GGT5: variants seen among roughly 807,000 people sequenced by gnomAD.
GGT5 encodes glutathione hydrolase 5 proenzyme.
GGT5 carries 50 observed loss-of-function variants against 58.1 expected under a neutral mutation model. The ratio of observed to expected loss-of-function variants is 0.86; its 90% CI spans 0.69 to 1.09. GGT5 has a LOEUF of 1.09. Among genes scored for constraint, GGT5 ranks in the 50% least tolerant of loss-of-function variants. The pLI, the probability that GGT5 is intolerant of heterozygous loss-of-function variation, is 0.00. For missense variants in GGT5, 800 were observed against 789.4 expected (o/e 1.01, Z -0.16); for synonymous variants, 370 against 346.1 (o/e 1.07, Z -0.77).
intron 6 of GGT5, 112 bp downstream of exon 6, chr22:24,231,272 G>A (rs1601399755): frequency 1.5e-6 from 1 of 682,584 alleles, no homozygotes; most frequent in East Asian, 2.7e-5. Flanking sequence ...CCGGTTTATG[G>A]AGGAGGAGGC....
At chr22:24,226,552 G>C in intron 7 of GGT5, 79 bp downstream of exon 7, 1 of 1,469,644 alleles carries the variant, frequency 6.8e-7, no homozygotes, top group Non-Finnish European at 9.5e-7. Flanking sequence ...CCCCCTACCA[G>C]GCCTGACCCT....
intron 11 of GGT5, among the ~76,000 whole-genome samples, chr22:24,224,688 G>A (rs923839712): frequency 6.6e-6 from 1 of 152,200 alleles, no homozygotes; most frequent in African/African-American, 2.4e-5. Context: ...GAGAGTCTGA[G>A]AGGCCCCAGC....
At chr22:24,231,026 T>G (rs1056057440) in intron 6 of GGT5, among the ~76,000 whole-genome samples, 7 of 152,148 alleles carry the variant, frequency 4.6e-5, no homozygotes, top group African/African-American at 1.7e-4. Context: ...CAGGCTGCCT[T>G]GGGCTAGGCT....
chr22:24,244,453 C>CA, intron 1 of GGT5, 100 bp downstream of exon 1: 1 of 1,021,896 alleles, frequency 9.8e-7, no homozygotes, highest in Non-Finnish European at 1.5e-6. Flanking sequence ...CACACACACA[C>CA]CCACACATAC....
At chr22:24,227,947 G>C (rs919992769) in intron 6 of GGT5, among the ~76,000 whole-genome samples, 4 of 150,880 alleles carry the variant, frequency 2.7e-5, no homozygotes, top group Admixed American at 1.3e-4. Flanking sequence ...TACTAGGGAG[G>C]CTGAGGAGGG....
At chr22:24,230,695 GAATACA>G (rs2148909350) in intron 6 of GGT5, among the ~76,000 whole-genome samples, 1 of 152,158 alleles carries the variant, frequency 6.6e-6, no homozygotes, top group South Asian at 2.1e-4. Flanking sequence ...TCACCTCCCT[GAATACA>G]CACATAGTTT....
chr22:24,244,314 CACCCACCCACACATACACAT>C, intron 1 of GGT5: 1 of 401,554 alleles, frequency 2.5e-6, no homozygotes, highest in African/African-American at 2.2e-5. Context: ...CACACACACA[CACCCACCCACACATACACAT>C]ACCCACACAC....
Position 24,233,856 on chromosome 22 carries a change from G to GT in GGT5, c.304+17dup. On this transcript the variant is annotated intron_variant, in intron 2 of 11. Coordinates refer to ENST00000327365, the MANE Select transcript of GGT5 (RefSeq NM_004121.5). ...GGACAAGCCCATCTTCCCCATGGCA[G>GT]TTCACATGTGGGCCCACCTGTTGTC... 1 of 1,610,138 alleles carries GT rather than the reference G, an allele frequency of 6.2e-7. No individual in the cohort carries two copies. The highest frequency in any genetic ancestry group is 8.5e-7 in the Non-Finnish European group (1 of 1,176,520).
At position 24,226,279 on chromosome 22, in the gene GGT5, G is replaced by A; in HGVS notation, c.1039-13C>T. ...CCCGGGAGGCATTCTGGGGTGGGTG[G>A]GCAGGTGGCAGGGTCAGTGAGGGGC... On this transcript the variant is annotated splice_polypyrimidine_tract_variant and intron_variant, in intron 7 of 11. Coordinates refer to ENST00000327365, the MANE Select transcript of GGT5 (RefSeq NM_004121.5). 6.3e-7 allele frequency: 1 copy of A among 1,582,218 alleles called. No individual in the cohort carries two copies. Among genetic ancestry groups the A allele is most frequent in the Non-Finnish European group, 8.6e-7 (1 of 1,166,394 alleles).
Position 24,244,993 on chromosome 22 carries a change from G to A in GGT5, c.-268C>T. ...GACAGACAGACAGGTCTGAACAGCG[G>A]GCTGCCAGATGGACAGATGGGTGAA... On this transcript the variant is annotated 5_prime_UTR_variant, in exon 1 of 12. Coordinates refer to ENST00000327365, the MANE Select transcript of GGT5 (RefSeq NM_004121.5). The A allele has an allele frequency of 2.0e-6, 1 of 508,258 alleles. No individual in the cohort carries two copies. The highest frequency in any genetic ancestry group is 5.3e-4 in the Middle Eastern group (1 of 1,878). 31.5% of individuals were successfully genotyped at this position (508,258 alleles called of 1,614,324 possible).
intron 6 of GGT5, among the ~76,000 whole-genome samples, chr22:24,229,372 C>T (rs1259415538): frequency 1.3e-5 from 2 of 151,526 alleles, no homozygotes; most frequent in African/African-American, 4.9e-5. Flanking sequence ...CACCATTGCA[C>T]TCCAGCCTTG....
Position 24,226,764 on chromosome 22 carries a change from A to T in GGT5, c.905T>A (p.Phe302Tyr). The change falls in exon 7 of 12, where the codon TTC becomes TAC. Residue 302 changes from phenylalanine (F) to tyrosine (Y), a missense_variant. Coordinates refer to ENST00000327365, the MANE Select transcript of GGT5 (RefSeq NM_004121.5). ...GGCCATAGACTCTGTTGAGAAGTTG[A>T]ACCCTGGAGAGAGGTTGGGGCACAG... ...LSFILNVLRG[F>Y]NFSTESMARP... 1 of 1,613,976 alleles carries T rather than the reference A, an allele frequency of 6.2e-7. No individual in the cohort carries two copies. Among genetic ancestry groups the T allele is most frequent in the Non-Finnish European group, 8.5e-7 (1 of 1,179,936 alleles).
intron 11 of GGT5, among the ~76,000 whole-genome samples, chr22:24,223,754 CTTTTTTT>C (rs898258352): frequency 3.8e-5 from 3 of 79,460 alleles, no homozygotes; most frequent in Non-Finnish European, 4.8e-5. Context: ...TGCTATCAAT[CTTTTTTT>C]TTTTTTTTTT....
At chr22:24,221,864 A>G (rs904327329) in intron 11 of GGT5, among the ~76,000 whole-genome samples, 1 of 150,870 alleles carries the variant, frequency 6.6e-6, no homozygotes, top group South Asian at 2.1e-4. Context: ...GCTTCCCCCA[A>G]CCCGCCAAGT....
At chr22:24,229,970 C>T (rs777346991) in intron 6 of GGT5, among the ~76,000 whole-genome samples, 6 of 151,026 alleles carry the variant, frequency 4.0e-5, no homozygotes, top group Non-Finnish European at 5.9e-5. Flanking sequence ...AGGTGGCTCA[C>T]GCCTGGAATC....
intron 7 of GGT5, among the ~76,000 whole-genome samples, 170 bp downstream of exon 7, chr22:24,226,461 C>T (rs1261709164): frequency 6.6e-6 from 1 of 152,218 alleles, no homozygotes; most frequent in Non-Finnish European, 1.5e-5. Flanking sequence ...GCCACTCCTG[C>T]ACCTGACCCC....
chr22:24,225,329 G>A lies in GGT5; in HGVS notation c.1419C>T (p.Pro473=), dbSNP rs2047718924. 1 of 1,613,938 alleles carries A rather than the reference G, an allele frequency of 6.2e-7. No individual in the cohort carries two copies. Among genetic ancestry groups the A allele is most frequent in the Non-Finnish European group, 8.5e-7 (1 of 1,179,914 alleles). Residue 473 remains proline, a synonymous_variant, in exon 10 of 12, where the codon CCC becomes CCT. Coordinates refer to ENST00000327365, the MANE Select transcript of GGT5 (RefSeq NM_004121.5). ...CCTGGGCTTTGTTGATCAAGATGGA[G>A]GGCACCATGGAGGATGGGGAACGCT... ...PGERSPSSMV[P]SILINKAQGS...
chr22:24,228,067 C>A (rs9612569), intron 6 of GGT5, among the ~76,000 whole-genome samples: 62,051 of 87,626 alleles, frequency 0.71, 20,082 homozygotes, highest in Non-Finnish European at 0.75. Flanking sequence ...AAAAAAAAAA[C>A]AAAACAAAAA....
Position 24,220,444 on chromosome 22 carries a change from G to A in GGT5, c.1615-328C>T, listed in dbSNP as rs547351783. On this transcript the variant is annotated intron_variant, in intron 11 of 11. Coordinates refer to ENST00000327365, the MANE Select transcript of GGT5 (RefSeq NM_004121.5). ...GTTCAGGGGGCCTTCGATGGAGGAT[G>A]TGGCTTCTCAAGATTTAGACACTGA... 4.1e-4 allele frequency: 204 copies of A among 501,650 alleles called. 1 individual carries two copies. The highest frequency in any genetic ancestry group is 3.2e-3 in the African/African-American group (165 of 52,062). 31.1% of individuals were successfully genotyped at this position (501,650 alleles called of 1,614,324 possible). A position where few individuals can be genotyped will look rare whatever the true frequency, so the allele number is the denominator to read the frequency against.
Sources: gnomAD v4.1 joint callset for allele counts (sites outside exome capture counted in the v4.1 genomes callset) on GRCh38, gnomAD v4.1.1 for gene constraint, MANE v1.5 for transcripts, NCBI Gene and HGNC (gene_info 2026-07-23, HGNC 2026-07-21) for gene names.